Variants in VPS13B observed in about 807,000 individuals in gnomAD.
The protein encoded by VPS13B is intermembrane lipid transfer protein VPS13B.
A neutral mutation model predicts 426.4 loss-of-function variants in VPS13B; 285 were observed. The observed-to-expected ratio is 0.67, with a 90% confidence interval of 0.61 to 0.74. VPS13B has a LOEUF of 0.74. Ranked by LOEUF, VPS13B falls within the 30% of genes least tolerant of loss-of-function variation. The probability of loss-of-function intolerance (pLI) is 0.00; values close to 1 mark genes in which losing one functional copy is unlikely to be tolerated. For missense variants in VPS13B, 4,537 were observed against 4,782.6 expected (o/e 0.95, Z 1.51); for synonymous variants, 1,676 against 1,676.4 (o/e 1.00, Z 0.01).
rs754595375 is a variant in VPS13B, at chr8:99,501,748, C to A, written c.3932C>A (p.Thr1311Asn). Reference protein sequence around the residue: ...PFSDSVTLEQTTSNIGGTSGR... With the variant: ...PFSDSVTLEQNTSNIGGTSGR... ...TCAGATTCTGTGACCTTGGAACAAA[C>A]TACAAGTAATATTGGAGGAACCAGT... is the stretch of plus-strand genomic sequence containing the variant. The change falls in exon 26 of 62, where the codon ACT (threonine) becomes AAT (asparagine). Residue 1311 changes from threonine to asparagine, a missense_variant. Physicochemically the swap from Thr to Asn is moderately conservative, Grantham distance 65. Transcript: ENST00000357162. 6.2e-7 allele frequency: 1 copy of A among 1,614,020 alleles called. No homozygotes were observed. Among genetic ancestry groups the A allele is most frequent in the South Asian group, 1.1e-5 (1 of 91,074 alleles).
At chr8:99,033,381 T>C (rs1000697563) in intron 2 of VPS13B, among the ~76,000 whole-genome samples, 8 of 152,230 alleles carry the variant, frequency 5.3e-5, no homozygotes, top group African/African-American at 1.9e-4. Flanking sequence ...AATATCTATA[T>C]ATTTTTTGTC....
At chr8:99,656,345 C>T (rs1389127669) in intron 34 of VPS13B, among the ~76,000 whole-genome samples, 2 of 152,124 alleles carry the variant, frequency 1.3e-5, no homozygotes, top group South Asian at 2.1e-4. Flanking sequence ...GGGACAGGAG[C>T]GTAAATGTGC....
At position 99,083,386 on chromosome 8, in the gene VPS13B, A is replaced by G. The variant is rs1845594183; in HGVS notation, c.292-12926A>G. On this transcript the variant is annotated intron_variant, in intron 3 of 61. Transcript: ENST00000357162. ...GACGATGGGGTTTTCTAGATATACA[A>G]TCATGTCATCTGCAAACAGGGACAA... Among the ~76,000 whole-genome samples, 5 of 152,262 alleles carry G rather than the reference A, an allele frequency of 3.3e-5. No individual in the cohort carries two copies. The South Asian group carries it at 8.3e-4, about 25-fold the overall frequency.
chr8:99,418,433 A>G (rs1816158671), intron 21 of VPS13B, among the ~76,000 whole-genome samples: 1 of 151,882 alleles, frequency 6.6e-6, no homozygotes, highest in African/African-American at 2.4e-5. Flanking sequence ...TAGATATATG[A>G]ACAGTTAACA....
At chr8:99,317,805 A>T (rs2133119065) in intron 19 of VPS13B, among the ~76,000 whole-genome samples, 1 of 152,320 alleles carries the variant, frequency 6.6e-6, no homozygotes, top group African/African-American at 2.4e-5. Context: ...GGACTTGTTC[A>T]TCATTAATGA....
At chr8:99,087,107 G>T (rs4517095) in intron 3 of VPS13B, among the ~76,000 whole-genome samples, 110,497 of 152,040 alleles carry the variant, frequency 0.73, 40,827 homozygotes, top group South Asian at 0.86. Flanking sequence ...GCTCCACCCA[G>T]TTTGAGCTTC....
At chr8:99,587,027 G>C (rs1356427245) in intron 33 of VPS13B, among the ~76,000 whole-genome samples, 1 of 152,090 alleles carries the variant, frequency 6.6e-6, no homozygotes, top group Non-Finnish European at 1.5e-5. Context: ...CTGTGTCCAA[G>C]TGTTCTCATT....
At chr8:99,691,638 C>T (rs966360820) in intron 35 of VPS13B, among the ~76,000 whole-genome samples, 22 of 150,106 alleles carry the variant, frequency 1.5e-4, no homozygotes, top group African/African-American at 2.2e-4. Context: ...CATCAACTAA[C>T]GAGCAAAATC....
intron 17 of VPS13B, among the ~76,000 whole-genome samples, chr8:99,208,039 T>C (rs976764866): frequency 2.0e-5 from 3 of 152,224 alleles, no homozygotes; most frequent in African/African-American, 7.2e-5. Context: ...GTTTACAAAG[T>C]ACCACAAACT....
At chr8:99,166,668 A>G (rs1812022405) in intron 15 of VPS13B, among the ~76,000 whole-genome samples, 1 of 152,110 alleles carries the variant, frequency 6.6e-6, no homozygotes, top group African/African-American at 2.4e-5. Context: ...TTCAGTGCAG[A>G]CTCTATTACA....
intron 33 of VPS13B, among the ~76,000 whole-genome samples, chr8:99,599,286 T>C (rs1174992436): frequency 1.3e-5 from 2 of 152,026 alleles, no homozygotes; most frequent in African/African-American, 4.8e-5. Flanking sequence ...CTCTGTAATT[T>C]CCATTTCTTC....
intron 36 of VPS13B, among the ~76,000 whole-genome samples, chr8:99,700,201 C>G (rs750724328): frequency 7.9e-5 from 12 of 152,154 alleles, no homozygotes; most frequent in Non-Finnish European, 1.8e-4. Context: ...TTCCTTTTTA[C>G]CTAAAACAGC....
intron 19 of VPS13B, among the ~76,000 whole-genome samples, chr8:99,313,784 C>T (rs978057899): frequency 4.6e-5 from 7 of 152,146 alleles, no homozygotes; most frequent in Admixed American, 1.3e-4. Context: ...TACAGAGTCA[C>T]GCAGGCTTCC....
chr8:99,372,168 G>A lies in VPS13B; in HGVS notation c.2825-12040G>A, dbSNP rs534433584. On this transcript the variant is annotated intron_variant, in intron 19 of 61. Transcript: ENST00000357162. The stretch of plus-strand genomic sequence containing the variant: ...CGGGAGGCTGAGGCAGGAGAATGGC[G>A]TGAACCCCAGGGGGCGGAGCCTGCA... Among the ~76,000 whole-genome samples the A allele has an allele frequency of 5.0e-4, 75 of 150,912 alleles. 1 individual carries two copies. Among genetic ancestry groups the A allele is most frequent in the Middle Eastern group, 6.8e-3 (2 of 292 alleles).
intron 39 of VPS13B, among the ~76,000 whole-genome samples, chr8:99,757,312 G>A (rs4735644): frequency 0.037 from 5,661 of 152,250 alleles, 116 homozygotes; most frequent in East Asian, 0.046. Context: ...TTTTGTCATA[G>A]TTGAGCAGAC....
intron 1 of VPS13B, 58 bp from the exon 2 acceptor site, chr8:99,013,702 G>T (rs1025953632): frequency 3.1e-5 from 48 of 1,542,142 alleles, no homozygotes; most frequent in Non-Finnish European, 3.8e-5. Flanking sequence ...CTGAGATAAC[G>T]AACGCTCTTT....
rs143728471 is a variant in VPS13B at position 99,835,672 on chromosome 8, T to G, written c.9876T>G (p.Val3292=). ...TACTTCCAAGCCTACTTTTGAGAGTTGAACCTCTAGATGAAGTAACAACTG... is the reference window on the plus strand; with the variant it reads ...TACTTCCAAGCCTACTTTTGAGAGTGGAACCTCTAGATGAAGTAACAACTG... ...KDLLPSLLLR[V]EPLDEVTTEW... is the part of the protein sequence containing the mutation. The change falls in exon 54 of 62, where the codon GTT becomes GTG. Residue 3292 remains valine, a synonymous_variant. Coordinates refer to ENST00000357162, the MANE Select transcript of VPS13B (RefSeq NM_152564.5). 99 of 1,614,038 alleles carry G rather than the reference T, an allele frequency of 6.1e-5. No individual in the cohort carries two copies. Among genetic ancestry groups the G allele is most frequent in the Non-Finnish European group, 7.9e-5 (93 of 1,180,024 alleles).
intron 25 of VPS13B, among the ~76,000 whole-genome samples, chr8:99,497,177 T>TTATG (rs1398502375): frequency 7.3e-5 from 10 of 137,722 alleles, no homozygotes; most frequent in Admixed American, 7.6e-5. Context: ...ATTTATATAT[T>TTATG]TAATATATAA....
chr8:99,424,571 G>GA (rs1157242697), intron 21 of VPS13B: 6 of 152,158 alleles, frequency 3.9e-5, no homozygotes, highest in African/African-American at 1.4e-4. Context: ...TGTGTACAGG[G>GA]AAATTGATAG....
Sources: gnomAD v4.1 joint callset for allele counts (sites outside exome capture counted in the v4.1 genomes callset) on GRCh38, gnomAD v4.1.1 for gene constraint, MANE v1.5 for transcripts, NCBI Gene and HGNC (gene_info 2026-07-23, HGNC 2026-07-21) for gene names.